NUDT5: variants seen among roughly 807,000 people sequenced by gnomAD.
NUDT5 encodes ADP-sugar pyrophosphatase.
A neutral mutation model predicts 34.1 loss-of-function variants in NUDT5; 21 were observed. That is an observed-to-expected ratio of 0.62 (90% CI 0.44 to 0.89). The LOEUF is 0.89. Ranked by LOEUF, NUDT5 falls within the 40% of genes least tolerant of loss-of-function variation. The pLI is 0.00. For missense variants in NUDT5, 249 were observed against 274.8 expected (o/e 0.91, Z 0.66); for synonymous variants, 85 against 97.6 (o/e 0.87, Z 0.76).
chr10:12,172,866 G>A lies in NUDT5; in HGVS notation c.386C>T (p.Ala129Val), dbSNP rs146519172. Residue 129 changes from alanine to valine, a missense_variant and splice_region_variant, in exon 7 of 10, where the codon GCG becomes GTG. Ala to Val is a moderately conservative substitution (Grantham distance 64). Coordinates refer to ENST00000491614, the MANE Select transcript of NUDT5 (RefSeq NM_014142.4). ...TGACAAGCCTGGGTCCATACAGACC[G>A]CTGTGGAGAGAAGGGACAGTCAGAT... ...YKGDIAECSP[A>V]VCMDPGLSNC... 93 of 1,608,158 alleles carry A rather than the reference G, an allele frequency of 5.8e-5. No homozygotes were observed. Among genetic ancestry groups the A allele is most frequent in the African/African-American group, 3.6e-4 (27 of 74,942 alleles).
chr10:12,190,186 C>T (rs1396349785), intron 1 of NUDT5, among the ~76,000 whole-genome samples: 2 of 152,102 alleles, frequency 1.3e-5, no homozygotes, highest in African/African-American at 4.8e-5. Context: ...ACCGCGCCAG[C>T]GAGTGTTCTA....
intron 1 of NUDT5, among the ~76,000 whole-genome samples, chr10:12,193,869 C>G (rs1588664747): frequency 6.9e-6 from 1 of 143,956 alleles, no homozygotes; most frequent in Non-Finnish European, 1.5e-5. Context: ...TCTCTACACT[C>G]TTTTTTTTTT....
intron 3 of NUDT5, chr10:12,184,642 A>G (rs918988160): frequency 1.8e-5 from 17 of 935,146 alleles, no homozygotes; most frequent in Non-Finnish European, 2.4e-5. Context: ...TTTTAGGTCT[A>G]CACTTGTCTA....
rs924329414 is a variant in NUDT5 at position 12,181,841 on chromosome 10, TA to T, written c.132-2710del. Among the ~76,000 whole-genome samples the T allele has an allele frequency of 6.6e-6, 1 of 150,618 alleles. No individual in the cohort carries two copies. Among genetic ancestry groups the T allele is most frequent in the African/African-American group, 2.4e-5 (1 of 40,944 alleles). ...TAAAAAAATAAAAATTAAATAAATTTAAAAAAAAAGGATATGGCCGGATGCG... is the reference window on the plus strand; with the variant it reads ...TAAAAAAATAAAAATTAAATAAATTTAAAAAAAAGGATATGGCCGGATGCG... On this transcript the variant is annotated intron_variant, in intron 3 of 9. Transcript: ENST00000491614. The surrounding 1 kb of genome is among the most constrained non-coding windows in gnomAD (Gnocchi z 5.0).
In NUDT5 at chr10:12,167,201, C is replaced by CAGGG. The variant is rs1834721166; in HGVS notation, c.*500_*501insCCCT. The CAGGG allele has an allele frequency of 6.3e-6, 1 of 158,842 alleles. No homozygotes were observed. The highest frequency in any genetic ancestry group is 6.0e-5 in the Admixed American group (1 of 16,686). The allele number at this position is 158,842 out of a possible 1,614,324, so 9.8% of individuals were successfully genotyped here. On this transcript the variant is annotated 3_prime_UTR_variant, in exon 10 of 10. Transcript: ENST00000491614. The stretch of plus-strand genomic sequence containing the variant: ...CGAACCCTACCCTAGTTGGATTCAA[C>CAGGG]TACCCTAGATAAATTTTGCATAGTA...
At chr10:12,184,668 A>G (rs1835096937) in intron 3 of NUDT5, 1 of 801,790 alleles carries the variant, frequency 1.2e-6, no homozygotes, top group South Asian at 1.9e-5. Context: ...GGAGAATGGT[A>G]TTAAAATAGT....
chr10:12,165,500 T>C lies in NUDT5; in HGVS notation c.*2202A>G, dbSNP rs1308583328. ...AGTCAAATGTAATTACACTTCAAAC[T>C]TTAATCCTAAATTATTGACAGATAG... On this transcript the variant is annotated 3_prime_UTR_variant, in exon 10 of 10. Transcript: ENST00000491614. 1 of 341,036 alleles carries C rather than the reference T, an allele frequency of 2.9e-6. No homozygotes were observed. Among genetic ancestry groups the C allele is most frequent in the Non-Finnish European group, 4.1e-6 (1 of 241,228 alleles). 21.1% of individuals were successfully genotyped at this position (341,036 alleles called of 1,614,324 possible).
intron 1 of NUDT5, among the ~76,000 whole-genome samples, chr10:12,193,413 C>T (rs552223347): frequency 6.6e-6 from 1 of 152,260 alleles, no homozygotes; most frequent in Non-Finnish European, 1.5e-5. Flanking sequence ...TTTTTCATTA[C>T]TTCATTAGGA....
In NUDT5 at chr10:12,170,606, C is replaced by A; in HGVS notation, c.550+111G>T. 1.9e-6 allele frequency: 2 copies of A among 1,050,570 alleles called. No individual in the cohort carries two copies. 65.1% of individuals were successfully genotyped at this position (1,050,570 alleles called of 1,614,324 possible). On this transcript the variant is annotated intron_variant, in intron 9 of 9. Transcript: ENST00000491614. This position sits in a 1 kb window ranked among gnomAD's most constrained non-coding sequence, Gnocchi z 4.9. ...GTTTTACAAGTTGCTAGGCATTTGA[C>A]TTTAGTGATACAAAAAAGATAAAGA...
chr10:12,187,609 G>C lies in NUDT5; in HGVS notation c.-41-1277C>G, dbSNP rs1220472473. 6.6e-6 allele frequency among the ~76,000 whole-genome samples: 1 copy of C among 152,132 alleles called. No homozygotes were observed. The highest frequency in any genetic ancestry group is 1.9e-4 in the East Asian group (1 of 5,202). On this transcript the variant is annotated intron_variant, in intron 1 of 9. Transcript: ENST00000491614. The surrounding 1 kb of genome is among the most constrained non-coding windows in gnomAD (Gnocchi z 5.4). ...CTATGAAACTGTAAGGCATTGCTTA[G>C]TTGTCTTACTTCTGGTGCTGCTGTT...
At chr10:12,191,175 A>C (rs2131719755) in intron 1 of NUDT5, among the ~76,000 whole-genome samples, 1 of 152,166 alleles carries the variant, frequency 6.6e-6, no homozygotes, top group Middle Eastern at 3.4e-3. Flanking sequence ...CGAGGTCAGG[A>C]GATCGAGACC....
In NUDT5 at chr10:12,175,615, A is replaced by G. The variant is rs1240726568; in HGVS notation, c.290-1802T>C. ...TGTGATTGTGCCACTGCACTCCAACATGGGCAACAGAGCTAGACATAGTCT... is the reference window on the plus strand; with the variant it reads ...TGTGATTGTGCCACTGCACTCCAACGTGGGCAACAGAGCTAGACATAGTCT... On this transcript the variant is annotated intron_variant, in intron 5 of 9. Transcript: ENST00000491614. The surrounding 1 kb of genome is among the most constrained non-coding windows in gnomAD (Gnocchi z 4.8). Among the ~76,000 whole-genome samples, 3 of 151,866 alleles carry G rather than the reference A, an allele frequency of 2.0e-5. No homozygotes were observed. The highest frequency in any genetic ancestry group is 4.4e-5 in the Non-Finnish European group (3 of 67,954).
chr10:12,167,947 G>A, intron 9 of NUDT5, 136 bp from the exon 10 acceptor site: 1 of 1,430,710 alleles, frequency 7.0e-7, no homozygotes, highest in Non-Finnish European at 9.1e-7. Flanking sequence ...GTTTTTTTTG[G>A]TCTATAAGGA....
At chr10:12,179,448 GGAGCACAGCCAGT>G (rs1835010699) in intron 3 of NUDT5, among the ~76,000 whole-genome samples, 1 of 152,200 alleles carries the variant, frequency 6.6e-6, no homozygotes, top group Non-Finnish European at 1.5e-5. Flanking sequence ...CTCTGGGCAA[GGAGCACAGCCAGT>G]GACAGATTAA....
Position 12,170,665 on chromosome 10 carries a change from A to C in NUDT5, c.550+52T>G. On this transcript the variant is annotated intron_variant, in intron 9 of 9. Coordinates refer to ENST00000491614, the MANE Select transcript of NUDT5 (RefSeq NM_014142.4). The surrounding 1 kb of genome is among the most constrained non-coding windows in gnomAD (Gnocchi z 4.9). ...TATATTTAGTACCCAGTTTGCTGGG[A>C]TGGGGACGGGGAGAACTGGAGAAAC... 6.5e-7 allele frequency: 1 copy of C among 1,541,154 alleles called. No individual in the cohort carries two copies. The highest frequency in any genetic ancestry group is 9.0e-7 in the Non-Finnish European group (1 of 1,115,190).
intron 1 of NUDT5, among the ~76,000 whole-genome samples, 180 bp from the exon 2 acceptor site, chr10:12,186,512 C>T (rs1017444616): frequency 6.6e-6 from 1 of 152,134 alleles, no homozygotes; most frequent in Non-Finnish European, 1.5e-5. Context: ...CGGGGATTAG[C>T]CAGGAAGGAA....
chr10:12,172,199 T>C (rs1328103234), intron 7 of NUDT5, among the ~76,000 whole-genome samples: 1 of 152,128 alleles, frequency 6.6e-6, no homozygotes, highest in Non-Finnish European at 1.5e-5. Flanking sequence ...ATCACAGCTT[T>C]TGAATCCAAA....
At chr10:12,172,523 G>A (rs956632610) in intron 7 of NUDT5, 2 of 555,418 alleles carry the variant, frequency 3.6e-6, no homozygotes, top group African/African-American at 3.8e-5. Flanking sequence ...ACTTCATATA[G>A]AAAACAGGGA....
At position 12,171,687 on chromosome 10, in the gene NUDT5, T is replaced by TTTA. The variant is rs1554801979; in HGVS notation, c.488-780_488-779insTAA. Reference sequence around the variant, plus strand: ...TGTGCAGTTCAAAAATTAAGATTTATTTTATTTATTTATTTATTTATTTAT... The same window carrying TTTA: ...TGTGCAGTTCAAAAATTAAGATTTATTTATTTATTTATTTATTTATTTATTTAT... On this transcript the variant is annotated intron_variant, in intron 7 of 9. Coordinates refer to ENST00000491614, the MANE Select transcript of NUDT5 (RefSeq NM_014142.4). This position sits in a 1 kb window ranked among gnomAD's most constrained non-coding sequence, Gnocchi z 4.2. Among the ~76,000 whole-genome samples, 21 of 140,036 alleles carry TTTA rather than the reference T, an allele frequency of 1.5e-4. No homozygotes were observed. Among genetic ancestry groups the TTTA allele is most frequent in the South Asian group, 2.3e-4 (1 of 4,316 alleles). 91.9% of individuals were successfully genotyped at this position (140,036 alleles called of 152,430 possible). A position where few individuals can be genotyped will look rare whatever the true frequency, so the allele number is the denominator to read the frequency against.
Sources: gnomAD v4.1 joint callset for allele counts (sites outside exome capture counted in the v4.1 genomes callset) on GRCh38, gnomAD v4.1.1 for gene constraint, Gnocchi (gnomAD v3.1) non-coding constraint, MANE v1.5 for transcripts, NCBI Gene and HGNC (gene_info 2026-07-23, HGNC 2026-07-21) for gene names.